HIVEP3: variants seen among roughly 807,000 people sequenced by gnomAD.
HIVEP3 encodes transcription factor HIVEP3.
A neutral mutation model predicts 152.8 loss-of-function variants in HIVEP3; 49 were observed. That is an observed-to-expected ratio of 0.32 (90% CI 0.26 to 0.41). The LOEUF is 0.41. Ranked by LOEUF, HIVEP3 falls within the 10% of genes least tolerant of loss-of-function variation. The pLI is 1.00. For missense variants in HIVEP3, 2,790 were observed against 3,103.3 expected (o/e 0.90, Z 2.40); for synonymous variants, 1,269 against 1,289.0 (o/e 0.98, Z 0.33).
In HIVEP3 at chr1:41,615,336, G is replaced by A. The variant is rs1424473409; in HGVS notation, c.-522+13413C>T. 4.6e-5 allele frequency among the ~76,000 whole-genome samples: 7 copies of A among 152,282 alleles called. No individual in the cohort carries two copies. In the East Asian group the frequency reaches 7.7e-4, roughly 17 times the overall value. On this transcript the variant is annotated intron_variant, in intron 3 of 8. Coordinates refer to ENST00000372583, the MANE Select transcript of HIVEP3 (RefSeq NM_024503.5). ...TGTCCTGAACTTGGGAAATCGGCCC[G>A]TCCCTCACCTTGGGATGCACTGGGG...
chr1:41,903,503 T>G (rs17366250), intron 1 of HIVEP3, among the ~76,000 whole-genome samples: 2,001 of 152,356 alleles, frequency 0.013, 19 homozygotes, highest in Non-Finnish European at 0.02. Flanking sequence ...CAATTATTAC[T>G]GGAGGTGAGG....
intron 1 of HIVEP3, among the ~76,000 whole-genome samples, chr1:41,992,986 AC>A (rs1259903867): frequency 6.8e-5 from 10 of 147,048 alleles, no homozygotes; most frequent in African/African-American, 2.3e-4. Context: ...TACACCTTAT[AC>A]AAAAATTAAT....
chr1:41,951,094 T>C (rs1645104109), intron 1 of HIVEP3, among the ~76,000 whole-genome samples: 1 of 152,232 alleles, frequency 6.6e-6, no homozygotes, highest in Non-Finnish European at 1.5e-5. Flanking sequence ...GCTTTGCTTC[T>C]GTATTGCCAC....
At chr1:41,718,838 T>G (rs991026378) in intron 1 of HIVEP3, among the ~76,000 whole-genome samples, 3 of 152,004 alleles carry the variant, frequency 2.0e-5, no homozygotes, top group Admixed American at 6.5e-5. Context: ...ATTATAGCCA[T>G]AAGACCTTGA....
At chr1:41,764,848 T>G (rs182024044) in intron 1 of HIVEP3, among the ~76,000 whole-genome samples, 38 of 152,244 alleles carry the variant, frequency 2.5e-4, no homozygotes, top group African/African-American at 8.9e-4. Context: ...GGAGGGTTCA[T>G]GGCAGTGACG....
intron 1 of HIVEP3, among the ~76,000 whole-genome samples, chr1:41,750,053 C>T (rs1324152486): frequency 6.6e-6 from 1 of 152,186 alleles, no homozygotes; most frequent in Non-Finnish European, 1.5e-5. Flanking sequence ...TCCTTAGAGG[C>T]GGTGGAGCCT....
intron 3 of HIVEP3, among the ~76,000 whole-genome samples, chr1:41,622,850 G>A (rs1387759182): frequency 6.6e-6 from 1 of 152,230 alleles, no homozygotes; most frequent in African/African-American, 2.4e-5. Context: ...CAACAACATT[G>A]CTGTTTTTTA....
intron 1 of HIVEP3, among the ~76,000 whole-genome samples, chr1:41,983,810 C>G (rs555102481): frequency 1.3e-4 from 20 of 152,212 alleles, no homozygotes; most frequent in Non-Finnish European, 1.9e-4. Flanking sequence ...AAAAAAATGT[C>G]CTGATGATAA....
chr1:41,571,137 C>T (rs1349410898), intron 5 of HIVEP3, among the ~76,000 whole-genome samples: 2 of 152,114 alleles, frequency 1.3e-5, no homozygotes, highest in African/African-American at 2.4e-5. Context: ...TGGGATCTCA[C>T]CATCTGAACT....
chr1:41,550,293 T>C (rs1004145331), intron 5 of HIVEP3, among the ~76,000 whole-genome samples: 3 of 152,246 alleles, frequency 2.0e-5, no homozygotes, highest in African/African-American at 7.2e-5. Context: ...GTAGTATACT[T>C]TGAAGTCAGG....
chr1:41,970,140 A>T (rs1483147507), intron 1 of HIVEP3, among the ~76,000 whole-genome samples: 2 of 152,230 alleles, frequency 1.3e-5, no homozygotes, highest in Non-Finnish European at 2.9e-5. Context: ...TGATTCCTCA[A>T]AGATCTAGAA....
intron 2 of HIVEP3, among the ~76,000 whole-genome samples, chr1:41,697,741 A>G (rs944018383): frequency 1.4e-4 from 21 of 152,212 alleles, no homozygotes; most frequent in African/African-American, 5.1e-4. Context: ...TGCCATCTCT[A>G]TCCCCACATG....
chr1:41,722,307 G>A (rs771090765), intron 1 of HIVEP3, among the ~76,000 whole-genome samples: 7 of 152,202 alleles, frequency 4.6e-5, no homozygotes, highest in African/African-American at 1.2e-4. Flanking sequence ...GATGTAGCTC[G>A]TGCTTGTGAA....
chr1:41,892,251 C>T (rs1644457970), intron 1 of HIVEP3, among the ~76,000 whole-genome samples: 1 of 152,206 alleles, frequency 6.6e-6, no homozygotes, highest in African/African-American at 2.4e-5. Flanking sequence ...AAATTCCTTT[C>T]CCCATCCCAT....
chr1:41,601,470 C>T (rs887060826), intron 3 of HIVEP3, among the ~76,000 whole-genome samples: 1 of 151,862 alleles, frequency 6.6e-6, no homozygotes, highest in Non-Finnish European at 1.5e-5. Context: ...CTTTCATTTC[C>T]TTAGCTAAGT....
intron 5 of HIVEP3, among the ~76,000 whole-genome samples, chr1:41,526,956 CCACTCATCCT>C (rs1642968893): frequency 9.4e-6 from 1 of 106,368 alleles, no homozygotes; most frequent in Non-Finnish European, 1.9e-5. Flanking sequence ...TGCTCACACC[CCACTCATCCT>C]CACACTCACC....
In HIVEP3 at chr1:41,510,752, C is replaced by A; in HGVS notation, c.6920G>T (p.Ser2307Ile). The A allele has an allele frequency of 6.3e-7, 1 of 1,582,710 alleles. No homozygotes were observed. Residue 2307 changes from serine (S) to isoleucine (I), a missense_variant, in exon 9 of 9, where the codon AGC becomes ATC. Physicochemically the swap from Ser to Ile is moderately radical, Grantham distance 142. Coordinates refer to ENST00000372583, the MANE Select transcript of HIVEP3 (RefSeq NM_024503.5). ...CAAGGTGTCGGGTGGGGTGCAGGGG[C>A]TGTGCGTGGGTGTGGGCTCTGCAGG... is the stretch of plus-strand genomic sequence containing the variant. ...GAPAEPTPTH[S>I]PCTPPDTLPR...
At chr1:41,588,709 C>T (rs577186011) in intron 3 of HIVEP3, among the ~76,000 whole-genome samples, 24 of 152,270 alleles carry the variant, frequency 1.6e-4, no homozygotes, top group Non-Finnish European at 2.8e-4. Flanking sequence ...ACAGGAGCAC[C>T]GTTGGCTGCC....
At chr1:41,825,276 T>C (rs976912813) in intron 1 of HIVEP3, among the ~76,000 whole-genome samples, 13 of 151,982 alleles carry the variant, frequency 8.6e-5, no homozygotes, top group Non-Finnish European at 1.3e-4. Flanking sequence ...GGAGGGCATA[T>C]TGTCACAAGG....
Sources: allele counts gnomAD v4.1 joint callset (sites outside exome capture counted in the v4.1 genomes callset), GRCh38; gene constraint gnomAD v4.1.1; transcripts MANE v1.5; gene names NCBI Gene and HGNC (gene_info 2026-07-23, HGNC 2026-07-21).